The following DLEC1 variants were observed in gnomAD, a reference collection of about 807,000 sequenced individuals.
DLEC1 encodes DLEC1 cilia and flagella associated protein.
DLEC1 carries 146 observed loss-of-function variants against 198.1 expected under a neutral mutation model. The ratio of observed to expected loss-of-function variants is 0.74; its 90% confidence interval spans 0.64 to 0.85. The LOEUF is 0.85. Among genes scored for constraint, DLEC1 ranks in the 40% least tolerant of loss-of-function variants. DLEC1 has a pLI of 0.00. For synonymous variants in DLEC1, 897 were observed against 866.8 expected (o/e 1.03, Z -0.61); for missense variants, 2,233 against 2,220.0 (o/e 1.01, Z -0.12).
chr3:38,053,778 G>C (rs1701272061), intron 2 of DLEC1, among the ~76,000 whole-genome samples: 1 of 152,238 alleles, frequency 6.6e-6, no homozygotes, highest in Non-Finnish European at 1.5e-5. Context: ...GGAAAAGATA[G>C]AGAAATCAGA....
At chr3:38,090,254 G>C (rs1698672013) in intron 10 of DLEC1, among the ~76,000 whole-genome samples, 5 of 152,130 alleles carry the variant, frequency 3.3e-5, no homozygotes, top group Admixed American at 3.3e-4. Context: ...ACAGTGAAAT[G>C]CTCCCTTTCA....
At chr3:38,109,401 T>C (rs1699742690) in intron 21 of DLEC1, 31 bp from the exon 22 acceptor site, 1 of 1,613,686 alleles carries the variant, frequency 6.2e-7, no homozygotes, top group Middle Eastern at 1.7e-4. Context: ...GCCCCAGGCC[T>C]GGTCTGACCC....
intron 14 of DLEC1, 62 bp from the exon 15 acceptor site, chr3:38,096,507 G>A (rs972905326): frequency 6.5e-6 from 10 of 1,545,764 alleles, no homozygotes; most frequent in Non-Finnish European, 8.7e-6. Context: ...ACAGAGGCAG[G>A]GACACTCTAG....
At chr3:38,110,414 C>A in intron 23 of DLEC1, 133 bp downstream of exon 23, 1 of 1,124,126 alleles carries the variant, frequency 8.9e-7, no homozygotes. Context: ...TACAGGTAGA[C>A]ATGGGGACAG....
chr3:38,053,494 T>C (rs1168615334), intron 2 of DLEC1, among the ~76,000 whole-genome samples: 1 of 148,036 alleles, frequency 6.8e-6, no homozygotes, highest in Non-Finnish European at 1.5e-5. Flanking sequence ...GTCTGAGAAG[T>C]GAGGAGCCCC....
chr3:38,106,889 G>A (rs906964086), intron 19 of DLEC1, among the ~76,000 whole-genome samples: 12 of 151,564 alleles, frequency 7.9e-5, no homozygotes, highest in African/African-American at 1.5e-4. Context: ...ACCTTCAGCC[G>A]TTCAGACATG....
At chr3:38,053,425 G>A (rs1336608664) in intron 2 of DLEC1, among the ~76,000 whole-genome samples, 2 of 150,382 alleles carry the variant, frequency 1.3e-5, no homozygotes, top group East Asian at 2.0e-4. Flanking sequence ...TGTGAGGAGC[G>A]CCTCTGCCCG....
chr3:38,042,668 G>C (rs1373551975), intron 1 of DLEC1, among the ~76,000 whole-genome samples: 1 of 147,574 alleles, frequency 6.8e-6, no homozygotes, highest in Non-Finnish European at 1.5e-5. Flanking sequence ...TGATTCTCCT[G>C]CCTCAGCCTC....
intron 6 of DLEC1, among the ~76,000 whole-genome samples, chr3:38,081,874 G>A (rs1249500225): frequency 3.4e-4 from 50 of 147,638 alleles, no homozygotes; most frequent in African/African-American, 1.1e-3. Flanking sequence ...CGGATGGGGC[G>A]GCTGGCCGGG....
Position 38,108,512 on chromosome 3 carries a change from C to T in DLEC1, c.3126C>T (p.Thr1042=), listed in dbSNP as rs979213864. 1 of 1,613,554 alleles carries T rather than the reference C, an allele frequency of 6.2e-7. No individual in the cohort carries two copies. The highest frequency in any genetic ancestry group is 8.5e-7 in the Non-Finnish European group (1 of 1,179,684). Residue 1042 remains threonine, a synonymous_variant, in exon 21 of 37, where the codon ACC becomes ACT. Coordinates refer to ENST00000308059, the MANE Select transcript of DLEC1 (RefSeq NM_007335.4). ...CQLKLELTAH[T]QEELTHLALP... is the part of the protein sequence containing the mutation. ...TCAAGTTGGAGTTGACTGCTCATAC[C>T]CAGGTGAGTAAGGCAATGTAGGGCC...
intron 2 of DLEC1, chr3:38,052,175 CCTT>C (rs769287897): frequency 4.7e-6 from 2 of 429,586 alleles, no homozygotes; most frequent in East Asian, 5.5e-5. Context: ...AGCAGTAGGT[CCTT>C]CTTCTCAGAA....
At chr3:38,097,958 G>A (rs1699119618) in intron 18 of DLEC1, 56 bp downstream of exon 18, 1 of 1,606,618 alleles carries the variant, frequency 6.2e-7, no homozygotes, top group Non-Finnish European at 8.5e-7. Context: ...CGTTTAGCTT[G>A]CCCTGGTGAA....
At chr3:38,061,057 A>G (rs1696655079) in intron 3 of DLEC1, among the ~76,000 whole-genome samples, 1 of 152,230 alleles carries the variant, frequency 6.6e-6, no homozygotes, top group African/African-American at 2.4e-5. Flanking sequence ...GCTAACATGT[A>G]TTGAGAGTTA....
intron 18 of DLEC1, among the ~76,000 whole-genome samples, 169 bp from the exon 19 acceptor site, chr3:38,100,117 C>G (rs1699228149): frequency 6.6e-6 from 1 of 152,220 alleles, no homozygotes; most frequent in Admixed American, 6.5e-5. Context: ...AATCCTGAGA[C>G]TCTTGTGGCT....
At chr3:38,093,068 G>C (rs1698825062) in intron 11 of DLEC1, among the ~76,000 whole-genome samples, 188 bp downstream of exon 11, 1 of 152,214 alleles carries the variant, frequency 6.6e-6, no homozygotes. Flanking sequence ...TGACTTTGGA[G>C]ACCAAGCCAG....
At chr3:38,118,964 G>A (rs2125749176) in intron 33 of DLEC1, among the ~76,000 whole-genome samples, 1 of 152,266 alleles carries the variant, frequency 6.6e-6, no homozygotes, top group South Asian at 2.1e-4. Context: ...GACACACACG[G>A]ATCTGCAGAA....
intron 19 of DLEC1, among the ~76,000 whole-genome samples, chr3:38,101,312 A>T (rs966835458): frequency 2.0e-5 from 3 of 152,092 alleles, no homozygotes; most frequent in Non-Finnish European, 4.4e-5. Flanking sequence ...AAAATTAGCC[A>T]GGTATGGTGG....
At position 38,097,218 on chromosome 3, in the gene DLEC1, T is replaced by TG. The variant is rs1369364033; in HGVS notation, c.2382dup (p.Lys795GlufsTer9). The TG allele has an allele frequency of 2.1e-5, 33 of 1,586,380 alleles. No homozygotes were observed. The highest frequency in any genetic ancestry group is 3.5e-5 in the Admixed American group (2 of 56,608). On this transcript the variant is annotated frameshift_variant, in exon 16 of 37. Coordinates refer to ENST00000308059, the MANE Select transcript of DLEC1 (RefSeq NM_007335.4). LOFTEE classifies it high-confidence loss of function. ...CAGCAAGTCACCCATCAGATACCTGTGGGGGAAGATCAGCGACTGCCACAT... is the reference window on the plus strand; with the variant it reads ...CAGCAAGTCACCCATCAGATACCTGTGGGGGGAAGATCAGCGACTGCCACAT...
chr3:38,052,026 T>C (rs868631003), intron 2 of DLEC1: 10 of 200,164 alleles, frequency 5.0e-5, no homozygotes, highest in Non-Finnish European at 9.6e-5. Flanking sequence ...ACAGAAGTCA[T>C]TGTGGCAGCC....
Sources: gnomAD v4.1 joint callset for allele counts (sites outside exome capture counted in the v4.1 genomes callset) on GRCh38, gnomAD v4.1.1 for gene constraint, MANE v1.5 for transcripts, NCBI Gene and HGNC (gene_info 2026-07-23, HGNC 2026-07-21) for gene names.